Variants in C16orf89 observed in about 807,000 individuals in gnomAD.
The protein encoded by C16orf89 is UPF0764 protein C16orf89.
C16orf89 carries 57 observed loss-of-function variants against 41.5 expected under a neutral mutation model. That is an observed-to-expected ratio of 1.38 (90% CI 1.11 to 1.71). The LOEUF (loss-of-function observed/expected upper bound fraction) is 1.71, where lower values mean the gene tolerates loss of function less well. Ranked by LOEUF, C16orf89 falls within the 40% of genes most tolerant of loss-of-function variation. The pLI is 0.00. For synonymous variants in C16orf89, 223 were observed against 190.6 expected (o/e 1.17, Z -1.40); for missense variants, 575 against 445.9 (o/e 1.29, Z -2.61).
At chr16:5,063,677 G>C (rs1051369936) in intron 1 of C16orf89, among the ~76,000 whole-genome samples, 3 of 152,180 alleles carry the variant, frequency 2.0e-5, no homozygotes, top group African/African-American at 7.2e-5. Flanking sequence ...GATCTAGGCT[G>C]CACACACCTT....
chr16:5,061,432 C>CAAA (rs59903296), intron 2 of C16orf89, among the ~76,000 whole-genome samples: 14 of 25,248 alleles, frequency 5.5e-4, no homozygotes, highest in Non-Finnish European at 7.0e-4. Context: ...GACTCTGTCT[C>CAAA]AAAAAAAAAA....
intron 6 of C16orf89, among the ~76,000 whole-genome samples, chr16:5,050,765 C>T (rs1383007222): frequency 2.0e-5 from 3 of 152,168 alleles, no homozygotes; most frequent in African/African-American, 4.8e-5. Flanking sequence ...CCAAACCCAG[C>T]AACACATTAA....
chr16:5,058,967 C>T (rs909320853), intron 3 of C16orf89, among the ~76,000 whole-genome samples: 13 of 152,088 alleles, frequency 8.5e-5, no homozygotes, highest in Non-Finnish European at 1.5e-4. Context: ...CAGCCAGGCG[C>T]GGTGGCTTAC....
chr16:5,050,378 A>G (rs988431401), intron 6 of C16orf89, among the ~76,000 whole-genome samples: 1 of 152,098 alleles, frequency 6.6e-6, no homozygotes, highest in African/African-American at 2.4e-5. Context: ...CAAAAAAAAA[A>G]AGAAAACCTA....
At chr16:5,061,545 G>T (rs1456345321) in intron 2 of C16orf89, among the ~76,000 whole-genome samples, 1 of 150,180 alleles carries the variant, frequency 6.7e-6, no homozygotes, top group Non-Finnish European at 1.5e-5. Flanking sequence ...TGGAATTAGT[G>T]GGGAGGTGAT....
intron 6 of C16orf89, among the ~76,000 whole-genome samples, chr16:5,053,222 T>C (rs1459772431): frequency 6.6e-6 from 1 of 151,872 alleles, no homozygotes; most frequent in Non-Finnish European, 1.5e-5. Context: ...ATACAAAAAT[T>C]AGCTGGGCGT....
chr16:5,044,289 G>A lies in C16orf89; in HGVS notation c.*59C>T, dbSNP rs974402093. On this transcript the variant is annotated 3_prime_UTR_variant, in exon 8 of 8. Coordinates refer to ENST00000472572, the MANE Select transcript of C16orf89 (RefSeq NM_001098514.3). The stretch of plus-strand genomic sequence containing the variant: ...GTGATCCGTGCCCTCCAGGATCTAA[G>A]GGATGAGGACTAAAGGGGTCTGTTC... The A allele has an allele frequency of 4.8e-5, 73 of 1,511,840 alleles. No homozygotes were observed. The Middle Eastern group carries it at 1.8e-3, about 36-fold the overall frequency. 93.7% of individuals were successfully genotyped at this position (1,511,840 alleles called of 1,614,324 possible). A position where few individuals can be genotyped will look rare whatever the true frequency, so the allele number is the denominator to read the frequency against.
chr16:5,042,890 G>C (rs1040380917), downstream of C16orf89: 3 of 152,248 alleles, frequency 2.0e-5, no homozygotes, highest in Admixed American at 6.5e-5. The surrounding 1 kb of genome is among the most constrained non-coding windows in gnomAD (Gnocchi z 4.2). Flanking sequence ...CCAGAGAACC[G>C]ATGACAAGGC....
chr16:5,045,702 G>C (rs1956283261), intron 7 of C16orf89, among the ~76,000 whole-genome samples: 1 of 152,158 alleles, frequency 6.6e-6, no homozygotes, highest in South Asian at 2.1e-4. Context: ...TTACAGATGA[G>C]GAAAATGAGG....
At chr16:5,060,238 A>G (rs768713954) in intron 3 of C16orf89, 48 bp downstream of exon 3, 3 of 1,560,304 alleles carry the variant, frequency 1.9e-6, no homozygotes, top group Non-Finnish European at 2.6e-6. Context: ...ACCAGCTGAG[A>G]ACTAGTGCGT....
intron 1 of C16orf89, among the ~76,000 whole-genome samples, chr16:5,064,571 G>A (rs1297312894): frequency 6.6e-6 from 1 of 152,252 alleles, no homozygotes; most frequent in Non-Finnish European, 1.5e-5. Flanking sequence ...GGGAGATCCA[G>A]GATTTGAACC....
chr16:5,046,478 G>C (rs1272067609), intron 7 of C16orf89, among the ~76,000 whole-genome samples: 1 of 149,050 alleles, frequency 6.7e-6, no homozygotes, highest in Non-Finnish European at 1.5e-5. Flanking sequence ...CAGCCTTCCA[G>C]GTAGCGGGAT....
At chr16:5,061,036 G>A (rs1188189882) in intron 2 of C16orf89, among the ~76,000 whole-genome samples, 1 of 150,118 alleles carries the variant, frequency 6.7e-6, no homozygotes, top group Non-Finnish European at 1.5e-5. Flanking sequence ...CAAGGCGGGC[G>A]AATCACTTGA....
chr16:5,061,446 A>AAG (rs1956620506), intron 2 of C16orf89, among the ~76,000 whole-genome samples: 1 of 89,420 alleles, frequency 1.1e-5, no homozygotes, highest in Admixed American at 1.3e-4. Context: ...AAAAAAAAAA[A>AAG]AAAAAAAAAA....
chr16:5,055,464 G>T, intron 5 of C16orf89, 114 bp from the exon 6 acceptor site: 2 of 1,088,062 alleles, frequency 1.8e-6, no homozygotes, highest in Non-Finnish European at 1.3e-6. Context: ...AGGCTTAGGA[G>T]GTGGGCGTTC....
At position 5,063,418 on chromosome 16, in the gene C16orf89, C is replaced by G. The variant is rs1461073832; in HGVS notation, c.209-844G>C. On this transcript the variant is annotated intron_variant, in intron 1 of 7. Transcript: ENST00000472572. ...CAGAGTGTCTCCTCCTGTGATTGCACCGGGTCTACAAAGTCCAATAGGACA... is the reference window on the plus strand; with the variant it reads ...CAGAGTGTCTCCTCCTGTGATTGCAGCGGGTCTACAAAGTCCAATAGGACA... Among the ~76,000 whole-genome samples, 4 of 152,248 alleles carry G rather than the reference C, an allele frequency of 2.6e-5. No individual in the cohort carries two copies. The East Asian group carries it at 7.7e-4, about 29-fold the overall frequency.
At position 5,065,916 on chromosome 16, in the gene C16orf89, C is replaced by G; in HGVS notation, c.-8G>C. 2 of 1,611,760 alleles carry G rather than the reference C, an allele frequency of 1.2e-6. No homozygotes were observed. Among genetic ancestry groups the G allele is most frequent in the Non-Finnish European group, 1.7e-6 (2 of 1,179,156 alleles). ...CAGCCCCAGGCTGGCCATGGCCGGC[C>G]TCTGCTCACTGCTGGTCACACGCTC... On this transcript the variant is annotated 5_prime_UTR_variant, in exon 1 of 8. Transcript: ENST00000472572.
Position 5,059,650 on chromosome 16 carries a change from T to G in C16orf89, c.509+636A>C, listed in dbSNP as rs116079319. Among the ~76,000 whole-genome samples the G allele has an allele frequency of 9.6e-3, 1,466 of 152,218 alleles. 28 individuals are homozygous for G. Among genetic ancestry groups the G allele is most frequent in the African/African-American group, 0.034 (1,399 of 41,560 alleles). ...CTGCACCTAGGGCTGCCCTGGGGCC[T>G]TGTTCCAAGCCCACCAAACACCAGG... is the stretch of plus-strand genomic sequence containing the variant. On this transcript the variant is annotated intron_variant, in intron 3 of 7. Transcript: ENST00000472572.
At chr16:5,058,189 G>T (rs553282346) in intron 4 of C16orf89, among the ~76,000 whole-genome samples, 2 of 151,568 alleles carry the variant, frequency 1.3e-5, no homozygotes, top group African/African-American at 4.8e-5. Context: ...GTGCAGTGGC[G>T]CAATCTTACT....
Sources: gnomAD v4.1 joint callset for allele counts (sites outside exome capture counted in the v4.1 genomes callset) on GRCh38, gnomAD v4.1.1 for gene constraint, Gnocchi (gnomAD v3.1) non-coding constraint, MANE v1.5 for transcripts, NCBI Gene and HGNC (gene_info 2026-07-23, HGNC 2026-07-21) for gene names.